NAT1: variants seen among roughly 807,000 people sequenced by gnomAD.
The protein encoded by NAT1 is N-acetyltransferase 1.
For synonymous variants in NAT1, 144 were observed against 122.6 expected (o/e 1.17, Z -1.16); for missense variants, 400 against 339.2 (o/e 1.18, Z -1.41).
chr8:18,192,353 C>A (rs147412111), intron 2 of NAT1, among the ~76,000 whole-genome samples: 19 of 152,208 alleles, frequency 1.2e-4, no homozygotes, highest in South Asian at 4.2e-4. Flanking sequence ...GGTGCTGGAG[C>A]GGATGGGGAG....
upstream of NAT1, chr8:18,209,801 T>G (rs1269030109): frequency 2.0e-5 from 3 of 152,216 alleles, no homozygotes; most frequent in East Asian, 5.8e-4. Context: ...CTGCTTTTCC[T>G]GGACCTGTTC....
At chr8:18,200,460 C>A (rs889456964) in intron 2 of NAT1, among the ~76,000 whole-genome samples, 1 of 152,120 alleles carries the variant, frequency 6.6e-6, no homozygotes, top group Non-Finnish European at 1.5e-5. Context: ...CACATGTTCT[C>A]ACTTATAAGT....
At position 18,219,403 on chromosome 8, in the gene NAT1, A is replaced by G. The variant is rs559664417; in HGVS notation, c.-85-8A>G. The G allele has an allele frequency of 2.1e-4, 316 of 1,540,060 alleles. No homozygotes were observed. In the South Asian group the frequency reaches 2.8e-3, roughly 14 times the overall value. On this transcript the variant is annotated splice_region_variant and splice_polypyrimidine_tract_variant and intron_variant, in intron 1 of 2. Transcript: ENST00000307719. ...TATATTTCTGACTGTCTTTTCTCTT[A>G]TTTCTAGAATTCAAGCCAGGAAGAA...
chr8:18,193,849 C>T (rs996332336), intron 2 of NAT1, among the ~76,000 whole-genome samples: 2 of 151,852 alleles, frequency 1.3e-5, no homozygotes, highest in East Asian at 1.9e-4. Flanking sequence ...TCATGTTGGC[C>T]GAGCTGGTCT....
At chr8:18,195,922 A>T (rs1330894531) in intron 2 of NAT1, among the ~76,000 whole-genome samples, 2 of 142,734 alleles carry the variant, frequency 1.4e-5, no homozygotes, top group African/African-American at 5.0e-5. Context: ...ATGTTAGATT[A>T]AAAAAAAAAA....
intron 2 of NAT1, among the ~76,000 whole-genome samples, chr8:18,186,921 T>A (rs1007572180): frequency 3.3e-5 from 5 of 152,054 alleles, no homozygotes; most frequent in Non-Finnish European, 5.9e-5. Flanking sequence ...GAGCTAAAAG[T>A]GAAAGCTGCA....
rs557108255 is a variant in NAT1, at chr8:18,219,885, G to A, written c.-7+396G>A. On this transcript the variant is annotated intron_variant, in intron 2 of 2. Coordinates refer to ENST00000307719, the MANE Select transcript of NAT1 (RefSeq NM_000662.8). Reference sequence around the variant, plus strand: ...AAAAGGAGGGGAAGGGTGGAGGGAGGGGAACAGAGAGGGTACAAGAGGCAA... The same window carrying A: ...AAAAGGAGGGGAAGGGTGGAGGGAGAGGAACAGAGAGGGTACAAGAGGCAA... Among the ~76,000 whole-genome samples the A allele has an allele frequency of 1.8e-4, 27 of 152,034 alleles. 1 individual carries two copies. In the South Asian group the frequency reaches 5.4e-3, roughly 30 times the overall value.
At chr8:18,215,871 A>G (rs1804607409) in intron 1 of NAT1, among the ~76,000 whole-genome samples, 2 of 152,134 alleles carry the variant, frequency 1.3e-5, no homozygotes, top group African/African-American at 2.4e-5. Context: ...ACGAGTCTCA[A>G]TCATTTTAGG....
rs529695089 is a variant in NAT1 at position 18,198,665 on chromosome 8, T to A, written n.93-11116T>A. On this transcript the variant is annotated intron_variant and non_coding_transcript_variant, in intron 2 of 4. Transcript: ENST00000517441. ...TTGACAAACAAAAATTGTATATATT[T>A]AAGGTGTAACATGTGATGTTTTGAC... Among the ~76,000 whole-genome samples, 4 of 152,352 alleles carry A rather than the reference T, an allele frequency of 2.6e-5. No individual in the cohort carries two copies. The South Asian group carries it at 8.3e-4, about 32-fold the overall frequency.
At chr8:18,195,376 G>A (rs1803187747) in intron 2 of NAT1, among the ~76,000 whole-genome samples, 1 of 152,120 alleles carries the variant, frequency 6.6e-6, no homozygotes, top group African/African-American at 2.4e-5. Context: ...TCTAAAGTCA[G>A]AAAGTGACTG....
intron 2 of NAT1, among the ~76,000 whole-genome samples, chr8:18,178,959 A>T (rs1802399058): frequency 6.6e-6 from 1 of 152,060 alleles, no homozygotes; most frequent in Non-Finnish European, 1.5e-5. Flanking sequence ...AACACTACAA[A>T]TCCTTCTCTA....
chr8:18,222,857 A>G lies in NAT1; in HGVS notation c.810A>G (p.Ile270Met), dbSNP rs771571411. ...AAATAGAAAAAGTGCTGAAAAATAT[A>G]TTTAATATTTCCTTGCAGAGAAAGC... The part of the protein sequence containing the change: ...EEEIEKVLKN[I>M]FNISLQRKLV... The change falls in exon 3 of 3, where the codon ATA (isoleucine) becomes ATG (methionine). Residue 270 changes from isoleucine (I) to methionine (M), a missense_variant. By Grantham distance (10) the Ile-to-Met change is conservative. Transcript: ENST00000307719. 4.4e-6 allele frequency: 7 copies of G among 1,599,540 alleles called. No homozygotes were observed. The East Asian group carries it at 8.9e-5, about 20-fold the overall frequency.
At chr8:18,199,173 G>C (rs1803358760) in intron 2 of NAT1, among the ~76,000 whole-genome samples, 1 of 151,900 alleles carries the variant, frequency 6.6e-6, no homozygotes, top group Non-Finnish European at 1.5e-5. Flanking sequence ...CATTAGCCAG[G>C]TGTGGTGGCG....
rs28383669 is a variant in NAT1 at position 18,178,787 on chromosome 8, C to A, written n.92+8048C>A. On this transcript the variant is annotated intron_variant and non_coding_transcript_variant, in intron 2 of 4. Transcript: ENST00000517441. ...GAGTGAGTGTTAGGAGAAGGAATGC[C>A]GGGTTTTGAACAGAGACTTCTATGG... Among the ~76,000 whole-genome samples the A allele has an allele frequency of 4.9e-3, 746 of 152,184 alleles. 10 individuals are homozygous for A. Among genetic ancestry groups the A allele is most frequent in the African/African-American group, 0.017 (703 of 41,522 alleles).
At chr8:18,216,258 A>G (rs769928944) in intron 1 of NAT1, among the ~76,000 whole-genome samples, 14 of 152,166 alleles carry the variant, frequency 9.2e-5, no homozygotes, top group Non-Finnish European at 1.8e-4. Context: ...TTGGTTTTAG[A>G]GTAGCTTCTA....
intron 2 of NAT1, 134 bp from the exon 3 acceptor site, chr8:18,221,908 T>C: frequency 3.1e-6 from 3 of 962,616 alleles, no homozygotes; most frequent in Non-Finnish European, 4.6e-6. Flanking sequence ...ATTCATACAA[T>C]GAAAGCACTA....
rs2117446240 is a variant in NAT1, at chr8:18,222,590, A to G, written c.543A>G (p.Leu181=). 1 of 1,613,690 alleles carries G rather than the reference A, an allele frequency of 6.2e-7. No homozygotes were observed. The highest frequency in any genetic ancestry group is 8.5e-7 in the Non-Finnish European group (1 of 1,179,816). The change falls in exon 3 of 3, where the codon CTA becomes CTG. Residue 181 remains leucine, a synonymous_variant. Transcript: ENST00000307719. ...PNEEFLHSDL[L]EDSKYRKIYS... is the part of the protein sequence containing the mutation. ...AAGAATTTCTTCATTCTGATCTCCT[A>G]GAAGACAGCAAATACCGAAAAATCT... is the stretch of plus-strand genomic sequence containing the variant.
chr8:18,186,565 A>G (rs1313883811), intron 2 of NAT1, among the ~76,000 whole-genome samples: 2 of 152,070 alleles, frequency 1.3e-5, no homozygotes, highest in African/African-American at 2.4e-5. Flanking sequence ...CTTTAACACA[A>G]TTGCTGATAT....
chr8:18,188,175 T>G (rs977282207), intron 2 of NAT1, among the ~76,000 whole-genome samples: 1 of 152,208 alleles, frequency 6.6e-6, no homozygotes, highest in Non-Finnish European at 1.5e-5. Context: ...ATAGAAAGTC[T>G]GTATGTATGT....
Sources: gnomAD v4.1 joint callset for allele counts (sites outside exome capture counted in the v4.1 genomes callset) on GRCh38, gnomAD v4.1.1 for gene constraint, MANE v1.5 for transcripts, NCBI Gene and HGNC (gene_info 2026-07-23, HGNC 2026-07-21) for gene names.